The following ZNF516 variants were observed in gnomAD, a reference collection of about 807,000 sequenced individuals.
The protein encoded by ZNF516 is zinc finger protein 516.
ZNF516 carries 19 observed loss-of-function variants against 79.7 expected under a neutral mutation model. The ratio of observed to expected loss-of-function variants is 0.24; its 90% confidence interval spans 0.17 to 0.35. ZNF516 has a LOEUF of 0.35. Ranked by LOEUF, ZNF516 falls within the 10% of genes least tolerant of loss-of-function variation. The pLI is 1.00. For missense variants in ZNF516, 1,678 were observed against 1,679.5 expected (o/e 1.00, Z 0.02); for synonymous variants, 877 against 739.5 (o/e 1.19, Z -3.02).
At chr18:76,460,566 C>T (rs763590849) in intron 2 of ZNF516, among the ~76,000 whole-genome samples, 1 of 152,104 alleles carries the variant, frequency 6.6e-6, no homozygotes, top group Non-Finnish European at 1.5e-5. Context: ...GAGCAGCTGG[C>T]AAGTCGGCCA....
In ZNF516 at chr18:76,451,798, T is replaced by G. The variant is rs1240696483; in HGVS notation, c.-157-8587A>C. On this transcript the variant is annotated intron_variant, in intron 2 of 6. Coordinates refer to ENST00000443185, the MANE Select transcript of ZNF516 (RefSeq NM_014643.4). The surrounding 1 kb of genome is among the most constrained non-coding windows in gnomAD (Gnocchi z 6.0). Reference sequence around the variant, plus strand: ...AACATCCTGGACAAGCTTATCTTACTACTGAGACAAAAAGCCTATTCTCTC... The same window carrying G: ...AACATCCTGGACAAGCTTATCTTACGACTGAGACAAAAAGCCTATTCTCTC... Among the ~76,000 whole-genome samples, 1 of 152,216 alleles carries G rather than the reference T, an allele frequency of 6.6e-6. No individual in the cohort carries two copies. The highest frequency in any genetic ancestry group is 1.9e-4 in the East Asian group (1 of 5,184).
rs760182461 is a variant in ZNF516 at position 76,442,731 on chromosome 18, G to A, written c.324C>T (p.Ser108=). The change falls in exon 3 of 7, where the codon TCC becomes TCT. Residue 108 remains serine, a synonymous_variant. Coordinates refer to ENST00000443185, the MANE Select transcript of ZNF516 (RefSeq NM_014643.4). ...GGCTGGCGCAGGCGTCCAGGCCCTC[G>A]GAGGCGCGCATCTCACCCAGCGGCG... is the stretch of plus-strand genomic sequence containing the variant. ...GEAPLGEMRA[S]EGLDACASPT... 31 of 1,581,174 alleles carry A rather than the reference G, an allele frequency of 2.0e-5. No individual in the cohort carries two copies. The East Asian group carries it at 4.0e-4, about 20-fold the overall frequency.
At chr18:76,492,773 G>GA in intron 1 of ZNF516, 2 of 985,624 alleles carry the variant, frequency 2.0e-6, no homozygotes, top group Non-Finnish European at 2.4e-6. Flanking sequence ...ACCTGAATCT[G>GA]AAAGTGCTTC....
chr18:76,405,925 T>C (rs1048344339), intron 3 of ZNF516, among the ~76,000 whole-genome samples: 4 of 152,108 alleles, frequency 2.6e-5, no homozygotes, highest in Admixed American at 2.6e-4. Flanking sequence ...CCACCTTGCA[T>C]GGCGGCTTCT....
In ZNF516 at chr18:76,441,528, G is replaced by C. The variant is rs779877933; in HGVS notation, c.1527C>G (p.Thr509=). The C allele has an allele frequency of 6.3e-7, 1 of 1,576,004 alleles. No homozygotes were observed. The change falls in exon 3 of 7, where the codon ACC becomes ACG. Residue 509 remains threonine, a synonymous_variant. Transcript: ENST00000443185. ...AGCACTCGGAGGACTTGCCCTGGCC[G>C]GTGGTGGCTGCGGCCCTGCGGTTGG... The part of the protein sequence containing the change: ...ARPNRRAAAT[T]GQGKSSECFE...
chr18:76,469,467 A>G (rs1913698006), intron 1 of ZNF516, among the ~76,000 whole-genome samples: 1 of 152,210 alleles, frequency 6.6e-6, no homozygotes, highest in Non-Finnish European at 1.5e-5. Flanking sequence ...TGAAATAACC[A>G]AAGACCTAAT....
intron 1 of ZNF516, among the ~76,000 whole-genome samples, chr18:76,464,435 G>A (rs192822908): frequency 1.3e-5 from 2 of 152,338 alleles, no homozygotes; most frequent in East Asian, 3.9e-4. Context: ...TCTCAAGCTG[G>A]CATTCAGAAA....
intron 4 of ZNF516, among the ~76,000 whole-genome samples, chr18:76,377,340 G>T (rs751048824): frequency 6.6e-6 from 1 of 152,274 alleles, no homozygotes; most frequent in African/African-American, 2.4e-5. Context: ...AGTGCTCAGC[G>T]GGCTCTTCAA....
chr18:76,484,450 T>C (rs1471786284), intron 1 of ZNF516, among the ~76,000 whole-genome samples: 2 of 152,186 alleles, frequency 1.3e-5, no homozygotes, highest in African/African-American at 2.4e-5. Context: ...ACCAAGTCAA[T>C]GTAACACTCC....
chr18:76,407,703 T>G (rs1345429314), intron 3 of ZNF516, among the ~76,000 whole-genome samples: 4 of 152,238 alleles, frequency 2.6e-5, no homozygotes, highest in African/African-American at 9.6e-5. Flanking sequence ...CAACACGACA[T>G]GCAGTTTAAT....
At chr18:76,461,373 C>T (rs1410823075) in intron 2 of ZNF516, among the ~76,000 whole-genome samples, 3 of 152,122 alleles carry the variant, frequency 2.0e-5, no homozygotes, top group African/African-American at 2.4e-5. Flanking sequence ...TGGCTTCCTC[C>T]GAGCCCTGTG....
chr18:76,379,925 A>T lies in ZNF516; in HGVS notation c.2189T>A (p.Leu730His), dbSNP rs1244417146. Residue 730 changes from leucine to histidine, a missense_variant, in exon 4 of 7, where the codon CTC becomes CAC. This residue lies in a region of ZNF516 where 1,294 missense variants were observed against 1,248.3 expected (regional missense o/e 1.04). Transcript: ENST00000443185. ...CCTCGCACTTAAATCTAGCGGCATG[A>T]GGTCTGGGGCCAGCGCCCGCTTCCC... ...GGGKRALAPDLMPLDLSARST... is the reference protein window; with the variant it reads ...GGGKRALAPDHMPLDLSARST... 2.5e-6 allele frequency: 4 copies of T among 1,613,808 alleles called. No homozygotes were observed. The African/African-American group carries it at 5.3e-5, about 22-fold the overall frequency.
rs2075165128 is a variant in ZNF516 at position 76,397,640 on chromosome 18, CG to C, written c.1811-17338del. Among the ~76,000 whole-genome samples, 3 of 152,208 alleles carry C rather than the reference CG, an allele frequency of 2.0e-5. No homozygotes were observed. The South Asian group carries it at 6.2e-4, about 32-fold the overall frequency. Reference sequence around the variant, plus strand: ...TGAGACAAGGTCTTGCTCTGTCACCCGGGCTGGAGTGCACTGGTGCAATCAC... The same window carrying C: ...TGAGACAAGGTCTTGCTCTGTCACCCGGCTGGAGTGCACTGGTGCAATCAC... On this transcript the variant is annotated intron_variant, in intron 3 of 6. Coordinates refer to ENST00000443185, the MANE Select transcript of ZNF516 (RefSeq NM_014643.4).
intron 1 of ZNF516, among the ~76,000 whole-genome samples, chr18:76,488,489 A>T (rs1257825628): frequency 2.1e-5 from 3 of 143,902 alleles, no homozygotes; most frequent in Non-Finnish European, 4.5e-5. Context: ...GTAGATAGAC[A>T]ACTGAACTTT....
In ZNF516 at chr18:76,441,354, C is replaced by G. The variant is rs1433878497; in HGVS notation, c.1701G>C (p.Gln567His). 1.2e-6 allele frequency: 2 copies of G among 1,611,482 alleles called. No homozygotes were observed. The highest frequency in any genetic ancestry group is 1.7e-6 in the Non-Finnish European group (2 of 1,179,400). ...CACAGGCGGAGCCAGGGCTGCTGGG[C>G]TGGGAGGCCGAGTCACCCTCACTGA... ...GSLSEGDSAS[Q>H]PSSPGSACAA... Residue 567 changes from glutamine to histidine, a missense_variant, in exon 3 of 7, where the codon CAG (glutamine) becomes CAC (histidine). Coordinates refer to ENST00000443185, the MANE Select transcript of ZNF516 (RefSeq NM_014643.4).
At chr18:76,384,613 C>A (rs936588112) in intron 3 of ZNF516, among the ~76,000 whole-genome samples, 1 of 149,420 alleles carries the variant, frequency 6.7e-6, no homozygotes, top group Non-Finnish European at 1.5e-5. Flanking sequence ...CCCCACCCCC[C>A]CTACAGTTGG....
intron 6 of ZNF516, among the ~76,000 whole-genome samples, chr18:76,362,996 G>C (rs1343870377): frequency 1.3e-5 from 2 of 152,144 alleles, no homozygotes; most frequent in Non-Finnish European, 2.9e-5. Flanking sequence ...CTGAATTTGG[G>C]GGTCATACAA....
At chr18:76,496,302 T>G (rs753093474), upstream of ZNF516, 3 of 1,288,804 alleles carry the variant, frequency 2.3e-6, no homozygotes, top group African/African-American at 4.6e-5. Flanking sequence ...TTGTTCTCCT[T>G]CTCCTCGTGA....
intron 3 of ZNF516, among the ~76,000 whole-genome samples, chr18:76,396,933 G>A (rs962951670): frequency 1.3e-5 from 2 of 152,234 alleles, no homozygotes; most frequent in Admixed American, 1.3e-4. Flanking sequence ...CTGTGCAAGG[G>A]GAGCCAAAGA....
Sources: gnomAD v4.1 joint callset for allele counts (sites outside exome capture counted in the v4.1 genomes callset) on GRCh38, gnomAD v4.1.1 for gene constraint, gnomAD v4.1.1 regional missense constraint, Gnocchi (gnomAD v3.1) non-coding constraint, MANE v1.5 for transcripts, NCBI Gene and HGNC (gene_info 2026-07-23, HGNC 2026-07-21) for gene names.